RNASEH1: variants seen among roughly 807,000 people sequenced by gnomAD.
RNASEH1 encodes ribonuclease H type II.
RNASEH1 carries 27 observed loss-of-function variants against 34.6 expected under a neutral mutation model. The observed-to-expected ratio is 0.78, with a 90% CI of 0.58 to 1.08. The LOEUF (loss-of-function observed/expected upper bound fraction) is 1.08, where lower values mean the gene tolerates loss of function less well. RNASEH1 is among the 50% of genes least tolerant of loss of function. RNASEH1 has a pLI of 0.00. For missense variants in RNASEH1, 349 were observed against 373.6 expected, an observed-to-expected ratio of 0.93 and a Z score of 0.54; for synonymous variants, 162 against 138.4, an observed-to-expected ratio of 1.17 and a Z score of -1.20.
downstream of RNASEH1, among the ~76,000 whole-genome samples, chr2:3,540,297 ATTTTC>A (rs199720142): frequency 0.025 from 3,522 of 138,694 alleles, 117 homozygotes; most frequent in African/African-American, 0.097. Context: ...TCAGTAATAT[ATTTTC>A]TTTTAATAAA....
intron 1 of RNASEH1, chr2:3,557,810 TTC>T: frequency 1.6e-6 from 2 of 1,217,926 alleles, no homozygotes. Flanking sequence ...CGGGGGTTCG[TTC>T]TGATTACGTG....
chr2:3,532,436 G>T, the RNASEH1 span: 2 of 688,198 alleles, frequency 2.9e-6, no homozygotes, highest in South Asian at 1.5e-5. Flanking sequence ...ACTCCCAAGG[G>T]GCCCCGTTAC....
chr2:3,554,667 G>A (rs372368169), intron 2 of RNASEH1, among the ~76,000 whole-genome samples: 8 of 152,168 alleles, frequency 5.3e-5, no homozygotes, highest in African/African-American at 1.9e-4. Context: ...TTAAGAGTCA[G>A]AGTACTTAAT....
At position 3,544,458 on chromosome 2, in the gene RNASEH1, G is replaced by GATAAAAAA. The variant is rs1668559646; in HGVS notation, c.*1319_*1326dup. ...GGGACTGCAAATGGACACTGAAGTA[G>GATAAAAAA]ATAAAAAAATAAACAAAAAAAAGCA... On this transcript the variant is annotated 3_prime_UTR_variant, in exon 8 of 8. Transcript: ENST00000315212. Among the ~76,000 whole-genome samples the GATAAAAAA allele has an allele frequency of 6.6e-6, 1 of 151,998 alleles. No individual in the cohort carries two copies. The highest frequency in any genetic ancestry group is 1.5e-5 in the Non-Finnish European group (1 of 67,992).
At chr2:3,545,932 A>T (rs1668707937) in intron 7 of RNASEH1, 61 bp from the exon 8 acceptor site, 3 of 1,208,980 alleles carry the variant, frequency 2.5e-6, no homozygotes, top group Non-Finnish European at 3.7e-6. Context: ...ACACATGACT[A>T]TATTGTCATC....
At position 3,545,594 on chromosome 2, in the gene RNASEH1, T is replaced by A; in HGVS notation, c.*191A>T. ...CATAATTCTCCAATCTCAAAGATGTTCAATTTATTATATACTTAACCATTT... is the reference window on the plus strand; with the variant it reads ...CATAATTCTCCAATCTCAAAGATGTACAATTTATTATATACTTAACCATTT... On this transcript the variant is annotated 3_prime_UTR_variant, in exon 8 of 8. Transcript: ENST00000315212. 1 of 576,908 alleles carries A rather than the reference T, an allele frequency of 1.7e-6. No individual in the cohort carries two copies. Among genetic ancestry groups the A allele is most frequent in the Non-Finnish European group, 3.1e-6 (1 of 322,054 alleles). 35.7% of individuals were successfully genotyped at this position (576,908 alleles called of 1,614,324 possible). A position where few individuals can be genotyped will look rare whatever the true frequency, so the allele number is the denominator to read the frequency against.
At chr2:3,552,756 G>T (rs913803425) in intron 2 of RNASEH1, among the ~76,000 whole-genome samples, 1 of 151,976 alleles carries the variant, frequency 6.6e-6, no homozygotes, top group Non-Finnish European at 1.5e-5. Flanking sequence ...CCAGCTACTC[G>T]GGAGGCTGAC....
rs1668665833 is a variant in RNASEH1, at chr2:3,545,551, C to A, written c.*234G>T. The A allele has an allele frequency of 3.6e-6, 2 of 548,850 alleles. No homozygotes were observed. Among genetic ancestry groups the A allele is most frequent in the Non-Finnish European group, 3.3e-6 (1 of 306,898 alleles). 34.0% of individuals were successfully genotyped at this position (548,850 alleles called of 1,614,324 possible). A position where few individuals can be genotyped will look rare whatever the true frequency, so the allele number is the denominator to read the frequency against. On this transcript the variant is annotated 3_prime_UTR_variant, in exon 8 of 8. Coordinates refer to ENST00000315212, the MANE Select transcript of RNASEH1 (RefSeq NM_002936.6). ...CAAGGACAGTATTGAACCCAGTAAACATAATGTGGAAATCTCACATAATTC... is the reference window on the plus strand; with the variant it reads ...CAAGGACAGTATTGAACCCAGTAAAAATAATGTGGAAATCTCACATAATTC...
chr2:3,558,104 G>A lies in RNASEH1; in HGVS notation c.128+29C>T, dbSNP rs569982895. The stretch of plus-strand genomic sequence containing the variant: ...CCTCCCTCGACCCCGATGCCGGCAG[G>A]GAGGCGCCTCGGCGGGCGGGCCACT... On this transcript the variant is annotated intron_variant, in intron 1 of 7. Coordinates refer to ENST00000315212, the MANE Select transcript of RNASEH1 (RefSeq NM_002936.6). 8.3e-6 allele frequency: 13 copies of A among 1,572,466 alleles called. No individual in the cohort carries two copies. The African/African-American group carries it at 1.8e-4, about 21-fold the overall frequency.
intron 3 of RNASEH1, among the ~76,000 whole-genome samples, chr2:3,551,040 C>G (rs73910589): frequency 0.032 from 4,936 of 152,332 alleles, 279 homozygotes; most frequent in African/African-American, 0.11. Flanking sequence ...GGGGCATTCT[C>G]AGGCCACTGG....
Position 3,542,016 on chromosome 2 carries a change from G to C in RNASEH1, c.*3769C>G, listed in dbSNP as rs1201028359. On this transcript the variant is annotated 3_prime_UTR_variant, in exon 8 of 8. Transcript: ENST00000315212. Reference sequence around the variant, plus strand: ...TTAAATAACAAAACAAAACAAAAGTGGTACAATAACAACTTTTAAAACTCA... The same window carrying C: ...TTAAATAACAAAACAAAACAAAAGTCGTACAATAACAACTTTTAAAACTCA... Among the ~76,000 whole-genome samples the C allele has an allele frequency of 6.6e-6, 1 of 151,924 alleles. No homozygotes were observed. The highest frequency in any genetic ancestry group is 1.9e-4 in the East Asian group (1 of 5,190).
chr2:3,550,605 AG>A, intron 3 of RNASEH1, 133 bp from the exon 4 acceptor site: 2 of 688,288 alleles, frequency 2.9e-6, no homozygotes, highest in Non-Finnish European at 5.3e-6. Flanking sequence ...TTTTCTCTCT[AG>A]GAAAACATGC....
At position 3,546,954 on chromosome 2, in the gene RNASEH1, C is replaced by T. The variant is rs142155921; in HGVS notation, c.774+977G>A. ...CCTGGGTAACATGACAAAACTCCATCGCTACTAAAAATACAAAAATTAGCC... is the reference window on the plus strand; with the variant it reads ...CCTGGGTAACATGACAAAACTCCATTGCTACTAAAAATACAAAAATTAGCC... On this transcript the variant is annotated intron_variant, in intron 7 of 7. Coordinates refer to ENST00000315212, the MANE Select transcript of RNASEH1 (RefSeq NM_002936.6). Among the ~76,000 whole-genome samples, 368 of 152,234 alleles carry T rather than the reference C, an allele frequency of 2.4e-3. 2 individuals carry two copies. The highest frequency in any genetic ancestry group is 8.4e-3 in the African/African-American group (348 of 41,540).
At chr2:3,550,057 C>A in intron 4 of RNASEH1, 1 of 262,916 alleles carries the variant, frequency 3.8e-6, no homozygotes, top group South Asian at 5.0e-5. Context: ...GTGGGAGGAT[C>A]GCTTGAGCCC....
intron 4 of RNASEH1, among the ~76,000 whole-genome samples, chr2:3,549,761 A>G (rs995098622): frequency 6.6e-6 from 1 of 151,936 alleles, no homozygotes; most frequent in East Asian, 1.9e-4. Context: ...CCTGGCTAAC[A>G]CGGTGAAACC....
intron 3 of RNASEH1, among the ~76,000 whole-genome samples, chr2:3,551,118 G>A (rs941691446): frequency 2.0e-5 from 3 of 152,238 alleles, no homozygotes; most frequent in Admixed American, 1.3e-4. Flanking sequence ...AGAGCTGGGC[G>A]AGAGGGCAAA....
intron 2 of RNASEH1, among the ~76,000 whole-genome samples, chr2:3,555,847 G>C (rs1007504873): frequency 6.6e-6 from 1 of 152,120 alleles, no homozygotes; most frequent in Admixed American, 6.5e-5. Context: ...TTTAAACTTT[G>C]AATAACCGTA....
At chr2:3,552,923 C>A (rs1006226569) in intron 2 of RNASEH1, among the ~76,000 whole-genome samples, 1 of 152,110 alleles carries the variant, frequency 6.6e-6, no homozygotes. Context: ...AAGTTAAGAA[C>A]CCCTAGGAGG....
At chr2:3,550,211 T>A (rs1572309674) in intron 4 of RNASEH1, 162 bp downstream of exon 4, 6 of 540,128 alleles carry the variant, frequency 1.1e-5, no homozygotes, top group Admixed American at 2.7e-5. Context: ...TGAAAAGCAA[T>A]GCCGCTTAGC....
Sources: allele counts gnomAD v4.1 joint callset (sites outside exome capture counted in the v4.1 genomes callset), GRCh38; gene constraint gnomAD v4.1.1; transcripts MANE v1.5; gene names NCBI Gene and HGNC (gene_info 2026-07-23, HGNC 2026-07-21).